The following UBAP2 variants were observed in gnomAD, a reference collection of about 807,000 sequenced individuals.
UBAP2 encodes the protein ubiquitin associated protein 2.
In UBAP2, 75 loss-of-function variants were observed where a neutral mutation model predicts 139.6. The ratio of observed to expected loss-of-function variants is 0.54; its 90% CI spans 0.45 to 0.65. The LOEUF (loss-of-function observed/expected upper bound fraction) is 0.65, where lower values mean the gene tolerates loss of function less well. Among genes scored for constraint, UBAP2 ranks in the 30% least tolerant of loss-of-function variants. The probability of loss-of-function intolerance (pLI) is 0.00; values close to 1 mark genes in which losing one functional copy is unlikely to be tolerated. For missense variants in UBAP2, 1,368 were observed against 1,369.6 expected, an observed-to-expected ratio of 1.00 and a Z score of 0.02; for synonymous variants, 526 against 526.2, an observed-to-expected ratio of 1.00 and a Z score of 0.01.
chr9:33,945,065 G>A (rs1236705791), intron 13 of UBAP2, among the ~76,000 whole-genome samples: 1 of 151,940 alleles, frequency 6.6e-6, no homozygotes, highest in East Asian at 1.9e-4. Context: ...AGGAGTACAA[G>A]GCTGCAGTGA....
intron 10 of UBAP2, among the ~76,000 whole-genome samples, chr9:33,958,295 C>A (rs1157121847): frequency 1.3e-5 from 2 of 151,920 alleles, no homozygotes; most frequent in Non-Finnish European, 2.9e-5. Flanking sequence ...CCAGTGAATC[C>A]ATTTTTGCCT....
At chr9:33,977,657 T>C (rs1007395490) in intron 6 of UBAP2, among the ~76,000 whole-genome samples, 2 of 151,708 alleles carry the variant, frequency 1.3e-5, no homozygotes, top group Admixed American at 6.6e-5. Context: ...TGTTGAATGA[T>C]TGTTCAAGGT....
At chr9:33,936,224 C>A (rs186380523) in intron 16 of UBAP2, among the ~76,000 whole-genome samples, 1 of 152,098 alleles carries the variant, frequency 6.6e-6, no homozygotes, top group African/African-American at 2.4e-5. Flanking sequence ...CTCAAGCAAT[C>A]CTCCTGCCTT....
In UBAP2 at chr9:33,924,242, T is replaced by C; in HGVS notation, c.2554A>G (p.Ser852Gly). The change falls in exon 23 of 29, where the codon AGC (serine) becomes GGC (glycine). Residue 852 changes from serine (S) to glycine (G), a missense_variant. By Grantham distance (56) the Ser-to-Gly change is moderately conservative. Transcript: ENST00000379238. ...IPFAAPTALA[S>G]RDGSLANNPY... The stretch of plus-strand genomic sequence containing the variant: ...TTATTAGCTAGGCTCCCATCTCGGC[T>C]GGCAAGCGCTGTGGGTGCAGCAAAG... The C allele has an allele frequency of 6.2e-7, 1 of 1,614,174 alleles. No homozygotes were observed. The highest frequency in any genetic ancestry group is 2.2e-5 in the East Asian group (1 of 44,880).
At chr9:33,953,806 T>TAGAATATTTTACCC (rs1202971099) in intron 11 of UBAP2, among the ~76,000 whole-genome samples, 22 of 152,240 alleles carry the variant, frequency 1.4e-4, no homozygotes, top group Non-Finnish European at 2.8e-4. Flanking sequence ...TCATTTTACC[T>TAGAATATTTTACCC]AGAATATTTT....
At chr9:34,035,514 A>AAAAATATATATATATATAT in intron 1 of UBAP2, among the ~76,000 whole-genome samples, 11 of 22,474 alleles carry the variant, frequency 4.9e-4, no homozygotes, top group Non-Finnish European at 8.8e-4. Context: ...AAAAAAAAAA[A>AAAAATATATATATATATAT]ATATATATAT....
chr9:34,028,309 T>C lies in UBAP2; in HGVS notation c.-41-11120A>G, dbSNP rs191504081. The stretch of plus-strand genomic sequence containing the variant: ...GAAGGGAATTAATTGCCCATAGCTG[T>C]TTGCACACATCTGTCCTATTCCTAT... On this transcript the variant is annotated intron_variant, in intron 1 of 28. Coordinates refer to ENST00000379238, the MANE Select transcript of UBAP2 (RefSeq NM_001370062.2). Among the ~76,000 whole-genome samples, 64 of 152,230 alleles carry C rather than the reference T, an allele frequency of 4.2e-4. 1 individual carries two copies. Among genetic ancestry groups the C allele is most frequent in the African/African-American group, 1.5e-3 (62 of 41,558 alleles).
chr9:33,967,234 C>G (rs1046620994), intron 8 of UBAP2, among the ~76,000 whole-genome samples: 2 of 152,170 alleles, frequency 1.3e-5, no homozygotes, highest in African/African-American at 4.8e-5. Context: ...GTGAAACTCT[C>G]CAATAATTTG....
rs1443736779 is a variant in UBAP2, at chr9:33,923,303, C to T, written c.2897-10G>A. ...GTCAGGTCGTCATAACCTAGCGTGGCAGGGTACAAGAGGCAAGTGTGAGCC... is the reference window on the plus strand; with the variant it reads ...GTCAGGTCGTCATAACCTAGCGTGGTAGGGTACAAGAGGCAAGTGTGAGCC... On this transcript the variant is annotated splice_polypyrimidine_tract_variant and intron_variant, in intron 25 of 28. Coordinates refer to ENST00000379238, the MANE Select transcript of UBAP2 (RefSeq NM_001370062.2). 1 of 1,614,162 alleles carries T rather than the reference C, an allele frequency of 6.2e-7. No individual in the cohort carries two copies. Among genetic ancestry groups the T allele is most frequent in the Admixed American group, 1.7e-5 (1 of 60,030 alleles).
intron 3 of UBAP2, 179 bp from the exon 4 acceptor site, chr9:33,996,512 C>A: frequency 1.9e-6 from 1 of 532,670 alleles, no homozygotes; most frequent in Admixed American, 3.5e-5. Context: ...CCATGCATGT[C>A]TTTTCACTAA....
At chr9:34,027,501 T>C (rs1239422205) in intron 1 of UBAP2, among the ~76,000 whole-genome samples, 1 of 151,660 alleles carries the variant, frequency 6.6e-6, no homozygotes, top group Admixed American at 6.6e-5. Flanking sequence ...GAGGATCGCC[T>C]GAGCCCAGGA....
chr9:33,962,417 G>C (rs939156834), intron 9 of UBAP2, among the ~76,000 whole-genome samples: 1 of 151,870 alleles, frequency 6.6e-6, no homozygotes, highest in African/African-American at 2.4e-5. Flanking sequence ...GGAGGCCGAG[G>C]TGGGTGGATC....
intron 6 of UBAP2, among the ~76,000 whole-genome samples, chr9:33,978,432 G>A (rs1820347734): frequency 6.6e-6 from 1 of 152,062 alleles, no homozygotes; most frequent in African/African-American, 2.4e-5. Flanking sequence ...AAATTACTTT[G>A]CACTTGTACT....
At position 33,923,967 on chromosome 9, in the gene UBAP2, G is replaced by T; in HGVS notation, c.2624C>A (p.Ala875Glu). ...TGGTGTGGTAGCGGGTGCAGGGGAT[G>T]CAGAGTCCCCACGGCCAAACTTTGT... ...DVTKFGRGDS[A>E]SPAPATTPAQ... The change falls in exon 24 of 29, where the codon GCA becomes GAA. Residue 875 changes from alanine (A) to glutamate (E), a missense_variant. Ala to Glu is a moderately radical substitution (Grantham distance 107). Transcript: ENST00000379238. The T allele has an allele frequency of 3.1e-6, 5 of 1,614,072 alleles. No homozygotes were observed. The highest frequency in any genetic ancestry group is 4.2e-6 in the Non-Finnish European group (5 of 1,180,028).
intron 5 of UBAP2, among the ~76,000 whole-genome samples, chr9:33,988,684 C>T (rs942180987): frequency 6.6e-6 from 1 of 152,176 alleles, no homozygotes. Flanking sequence ...TGCCTACAGC[C>T]CAGGTCAATG....
intron 4 of UBAP2, among the ~76,000 whole-genome samples, chr9:33,993,480 T>C (rs905412286): frequency 5.3e-5 from 8 of 152,048 alleles, no homozygotes; most frequent in East Asian, 1.9e-4. Context: ...CTGAGCAACA[T>C]AGAAACACAG....
intron 2 of UBAP2, among the ~76,000 whole-genome samples, chr9:34,000,629 A>C (rs1822620709): frequency 1.3e-5 from 2 of 152,246 alleles, no homozygotes; most frequent in African/African-American, 4.8e-5. Flanking sequence ...TTAACAGTTT[A>C]CAAAAAGATC....
At chr9:33,978,020 A>G (rs1025778737) in intron 6 of UBAP2, among the ~76,000 whole-genome samples, 12 of 150,016 alleles carry the variant, frequency 8.0e-5, no homozygotes, top group Non-Finnish European at 1.8e-4. Context: ...GTCTTTTAAA[A>G]AAAAAAAAAA....
At position 33,924,264 on chromosome 9, in the gene UBAP2, A is replaced by C. The variant is rs746879648; in HGVS notation, c.2532T>G (p.Phe844Leu). 6.2e-7 allele frequency: 1 copy of C among 1,614,170 alleles called. No homozygotes were observed. The highest frequency in any genetic ancestry group is 2.2e-5 in the East Asian group (1 of 44,880). ...RLPVDYYGIP[F>L]AAPTALASRD... ...GGCTGGCAAGCGCTGTGGGTGCAGC[A>C]AAGGGAATTCCATAGTAGTCCTAGG... Residue 844 changes from phenylalanine (F) to leucine (L), a missense_variant, in exon 23 of 29, where the codon TTT becomes TTG. By Grantham distance (22) the Phe-to-Leu change is conservative. Coordinates refer to ENST00000379238, the MANE Select transcript of UBAP2 (RefSeq NM_001370062.2).
Sources: gnomAD v4.1 joint callset for allele counts (sites outside exome capture counted in the v4.1 genomes callset) on GRCh38, gnomAD v4.1.1 for gene constraint, MANE v1.5 for transcripts, NCBI Gene and HGNC (gene_info 2026-07-23, HGNC 2026-07-21) for gene names.